Variants in ADGRV1 observed in about 807,000 individuals in gnomAD.
The protein encoded by ADGRV1 is adhesion G protein-coupled receptor V1.
In ADGRV1, 359 loss-of-function variants were observed where a neutral mutation model predicts 596.2. The ratio of observed to expected loss-of-function variants is 0.60; its 90% confidence interval spans 0.55 to 0.66. The LOEUF (loss-of-function observed/expected upper bound fraction) is 0.66, where lower values mean the gene tolerates loss of function less well. Among genes scored for constraint, ADGRV1 ranks in the 30% least tolerant of loss-of-function variants. ADGRV1 has a pLI of 0.00. For synonymous variants in ADGRV1, 2,681 were observed against 2,679.2 expected, an observed-to-expected ratio of 1.00 and a Z score of -0.02; for missense variants, 7,274 against 7,575.6, an observed-to-expected ratio of 0.96 and a Z score of 1.48.
At chr5:90,578,191 G>C (rs1266221053) in intron 1 of ADGRV1, among the ~76,000 whole-genome samples, 1 of 152,142 alleles carries the variant, frequency 6.6e-6, no homozygotes, top group Non-Finnish European at 1.5e-5. Context: ...TCTTGTGCTG[G>C]TTTTCAAAGG....
intron 83 of ADGRV1, among the ~76,000 whole-genome samples, chr5:90,924,838 G>A (rs1774257524): frequency 6.6e-6 from 1 of 151,882 alleles, no homozygotes; most frequent in Non-Finnish European, 1.5e-5. Context: ...TCCAGTTTCA[G>A]CTTTCTACAT....
chr5:90,647,890 T>A lies in ADGRV1; in HGVS notation c.3289+126T>A, dbSNP rs951115039. ...ACATTTGTACTATTCAAGAGTAAAA[T>A]TATTTCATTGCTTTCTTGAGAAATG... On this transcript the variant is annotated intron_variant, in intron 17 of 89. Coordinates refer to ENST00000405460, the MANE Select transcript of ADGRV1 (RefSeq NM_032119.4). 8 of 760,458 alleles carry A rather than the reference T, an allele frequency of 1.1e-5. No homozygotes were observed. In the Admixed American group the frequency reaches 2.3e-4, roughly 22 times the overall value. The allele number at this position is 760,458 out of a possible 1,614,324, so 47.1% of individuals were successfully genotyped here.
chr5:90,642,395 G>GT (rs1333362820), intron 11 of ADGRV1, among the ~76,000 whole-genome samples: 1 of 151,976 alleles, frequency 6.6e-6, no homozygotes, highest in East Asian at 1.9e-4. Flanking sequence ...GTAGTGTTTG[G>GT]TTTTTGTCAA....
Position 90,683,832 on chromosome 5 carries a change from G to A in ADGRV1, c.5911G>A (p.Ala1971Thr), listed in dbSNP as rs753109705. The A allele has an allele frequency of 1.3e-5, 21 of 1,613,578 alleles. No individual in the cohort carries two copies. Among genetic ancestry groups the A allele is most frequent in the Non-Finnish European group, 1.6e-5 (19 of 1,179,834 alleles). ...TATTAATGCCACGTTAACAGTTTTG[G>A]CTAGTGATGATCCATATGGGATATT... ...AHINATLTVL[A>T]SDDPYGIFIF... The change falls in exon 28 of 90, where the codon GCT becomes ACT. Residue 1971 changes from alanine (A) to threonine (T), a missense_variant. Transcript: ENST00000405460.
At chr5:91,004,693 T>A (rs531016692) in intron 85 of ADGRV1, among the ~76,000 whole-genome samples, 1 of 152,340 alleles carries the variant, frequency 6.6e-6, no homozygotes, top group Admixed American at 6.5e-5. Context: ...ACCTAAGTAT[T>A]GATTTAATCA....
chr5:90,984,926 A>G (rs1042479228), intron 84 of ADGRV1, among the ~76,000 whole-genome samples: 2 of 152,220 alleles, frequency 1.3e-5, no homozygotes, highest in Admixed American at 6.5e-5. Context: ...GGCCCTCAAT[A>G]AATAAAAATT....
chr5:90,643,054 A>G lies in ADGRV1; in HGVS notation c.2553+13A>G, dbSNP rs763713459. 11 of 1,602,510 alleles carry G rather than the reference A, an allele frequency of 6.9e-6. No homozygotes were observed. The highest frequency in any genetic ancestry group is 1.7e-4 in the Middle Eastern group (1 of 6,034). On this transcript the variant is annotated intron_variant, in intron 13 of 89. Coordinates refer to ENST00000405460, the MANE Select transcript of ADGRV1 (RefSeq NM_032119.4). ...TGGGATACCAGAGGTATGGGATTTT[A>G]TATTTTCTTTGTGTTTCTCTGTAAG...
chr5:90,583,390 C>T (rs1023056813), intron 1 of ADGRV1, among the ~76,000 whole-genome samples: 4 of 152,046 alleles, frequency 2.6e-5, no homozygotes, highest in Non-Finnish European at 5.9e-5. Context: ...AAACATTGAG[C>T]TGGCAATTTC....
intron 21 of ADGRV1, among the ~76,000 whole-genome samples, chr5:90,660,032 G>GA (rs992315361): frequency 0.014 from 1,944 of 140,410 alleles, 33 homozygotes; most frequent in African/African-American, 0.045. Flanking sequence ...CTGTCTCAGA[G>GA]AAAAAAAAAA....
chr5:91,106,980 A>G (rs906636197), intron 87 of ADGRV1, among the ~76,000 whole-genome samples: 3 of 152,216 alleles, frequency 2.0e-5, no homozygotes, highest in Non-Finnish European at 2.9e-5. Context: ...GAGAAGTTAA[A>G]TAGGATGAGA....
chr5:90,873,749 C>G (rs536948679), intron 83 of ADGRV1, among the ~76,000 whole-genome samples: 2 of 151,438 alleles, frequency 1.3e-5, no homozygotes, highest in Non-Finnish European at 2.9e-5. Flanking sequence ...GAGCTGTGAT[C>G]ACGCCACTGC....
intron 1 of ADGRV1, among the ~76,000 whole-genome samples, chr5:90,590,827 C>T (rs1430746568): frequency 6.6e-6 from 1 of 152,106 alleles, no homozygotes; most frequent in Non-Finnish European, 1.5e-5. Flanking sequence ...CATTTAAATA[C>T]TATTACTGGA....
At chr5:90,657,867 G>C in intron 20 of ADGRV1, 38 bp from the exon 21 acceptor site, 1 of 1,537,020 alleles carries the variant, frequency 6.5e-7, no homozygotes, top group Non-Finnish European at 8.8e-7. Flanking sequence ...CAGGACACTT[G>C]AAGGTATTGT....
At chr5:90,833,273 A>G (rs927269021) in intron 77 of ADGRV1, among the ~76,000 whole-genome samples, 9 of 151,928 alleles carry the variant, frequency 5.9e-5, no homozygotes, top group South Asian at 2.1e-4. Flanking sequence ...TCTTGCATCA[A>G]TGTTTTTCAT....
At chr5:90,881,959 T>C (rs1769827847) in intron 83 of ADGRV1, among the ~76,000 whole-genome samples, 1 of 152,128 alleles carries the variant, frequency 6.6e-6, no homozygotes, top group Non-Finnish European at 1.5e-5. Flanking sequence ...ACTGCCGGCT[T>C]CAGCCTCCCA....
chr5:90,801,492 G>C (rs1412951593), intron 70 of ADGRV1, among the ~76,000 whole-genome samples: 1 of 151,720 alleles, frequency 6.6e-6, no homozygotes, highest in African/African-American at 2.4e-5. Context: ...TTACAGGAGA[G>C]GTGCGATATA....
intron 52 of ADGRV1, among the ~76,000 whole-genome samples, chr5:90,747,357 C>G (rs957823841): frequency 6.6e-6 from 1 of 152,078 alleles, no homozygotes; most frequent in Non-Finnish European, 1.5e-5. Flanking sequence ...CATGACCACC[C>G]ACAGTTTCGA....
chr5:90,703,240 C>A (rs1748136965), intron 34 of ADGRV1, among the ~76,000 whole-genome samples: 1 of 152,022 alleles, frequency 6.6e-6, no homozygotes, highest in Non-Finnish European at 1.5e-5. Flanking sequence ...CATTTTTATG[C>A]ATGCATTGTG....
At chr5:90,930,365 A>G (rs1225179239) in intron 83 of ADGRV1, among the ~76,000 whole-genome samples, 2 of 152,214 alleles carry the variant, frequency 1.3e-5, no homozygotes, top group Non-Finnish European at 2.9e-5. Context: ...GAGAATGCCA[A>G]CTTAAAAAAA....
Sources: gnomAD v4.1 joint callset for allele counts (sites outside exome capture counted in the v4.1 genomes callset) on GRCh38, gnomAD v4.1.1 for gene constraint, MANE v1.5 for transcripts, NCBI Gene and HGNC (gene_info 2026-07-23, HGNC 2026-07-21) for gene names.